Variants in KCNK16 observed in about 807,000 individuals in gnomAD.
KCNK16 encodes potassium two pore domain channel subfamily K member 16.
A neutral mutation model predicts 23.0 loss-of-function variants in KCNK16; 23 were observed. That is an observed-to-expected ratio of 1.00 (90% confidence interval 0.72 to 1.41). The LOEUF is 1.41. KCNK16 is among the 40% of genes most tolerant of loss of function. KCNK16 has a pLI of 0.00. For synonymous variants in KCNK16, 145 were observed against 153.5 expected (o/e 0.94, Z 0.41); for missense variants, 327 against 365.8 (o/e 0.89, Z 0.87).
At chr6:39,320,757 C>T (rs532926923) in intron 1 of KCNK16, among the ~76,000 whole-genome samples, 11 of 152,272 alleles carry the variant, frequency 7.2e-5, no homozygotes, top group African/African-American at 2.4e-4. Context: ...GGCCTCCTTT[C>T]GTCTTGGTTA....
chr6:39,316,164 A>G, downstream of KCNK16: 2 of 1,454,074 alleles, frequency 1.4e-6, no homozygotes, highest in Non-Finnish European at 1.8e-6. Context: ...TCCAGAGAGC[A>G]GATAGGGTGG....
Position 39,319,882 on chromosome 6 carries a change from CGAACCTTT to C in KCNK16, c.214-757_214-750del, listed in dbSNP as rs1176813803. Among the ~76,000 whole-genome samples, 1 of 152,098 alleles carries C rather than the reference CGAACCTTT, an allele frequency of 6.6e-6. No individual in the cohort carries two copies. The highest frequency in any genetic ancestry group is 1.9e-4 in the East Asian group (1 of 5,186). ...GTGTTGCATGTGTTTTCACAAGACC[CGAACCTTT>C]GCCGGCTCAAGCCTACAACACCTCC... On this transcript the variant is annotated intron_variant, in intron 1 of 4. Coordinates refer to ENST00000437525, the MANE Select transcript of KCNK16 (RefSeq NM_001135106.2). The surrounding 1 kb of genome is among the most constrained non-coding windows in gnomAD (Gnocchi z 4.2).
rs1762552505 is a variant in KCNK16, at chr6:39,322,515, C to G, written c.26G>C (p.Cys9Ser). MPSAGLCS[C>S]WGGRVLPLLL... ...CAGGGGCAGCACCCGGCCACCCCAG[C>G]AGCTGCAGAGCCCAGCACTGGGCAT... is the stretch of plus-strand genomic sequence containing the variant. Residue 9 changes from cysteine (C) to serine (S), a missense_variant, in exon 1 of 5, where the codon TGC becomes TCC. Cys to Ser is a moderately radical substitution (Grantham distance 112). Transcript: ENST00000437525. 1.2e-6 allele frequency: 2 copies of G among 1,607,916 alleles called. No individual in the cohort carries two copies. Among genetic ancestry groups the G allele is most frequent in the East Asian group, 4.5e-5 (2 of 44,752 alleles).
downstream of KCNK16, chr6:39,315,115 A>G (rs1161198883): frequency 1.2e-6 from 2 of 1,613,966 alleles, no homozygotes; most frequent in African/African-American, 2.7e-5. Context: ...TTGGCTCCAC[A>G]GCCTTGCCTC....
At chr6:39,322,184 C>G in intron 1 of KCNK16, 144 bp downstream of exon 1, 2 of 1,364,660 alleles carry the variant, frequency 1.5e-6, no homozygotes. Flanking sequence ...AGGATTAGAT[C>G]TCACCAGGCT....
Position 39,316,327 on chromosome 6 carries a change from G to A in KCNK16, c.777C>T (p.His259=). ...LILPLGPLLL[H]RCCQLWLLSR... ...TGAGCAGCCAGAGCTGGCAGCATCT[G>A]TGCAGAAGCAGGGGGCCCAGTGGGA... The change falls in exon 5 of 5, where the codon CAC becomes CAT. Residue 259 remains histidine (H), a synonymous_variant. Coordinates refer to ENST00000437525, the MANE Select transcript of KCNK16 (RefSeq NM_001135106.2). The A allele has an allele frequency of 1.2e-6, 2 of 1,610,944 alleles. No homozygotes were observed.
chr6:39,318,034 T>A (rs1342296812), intron 2 of KCNK16, 82 bp from the exon 3 acceptor site: 1 of 1,376,670 alleles, frequency 7.3e-7, no homozygotes, highest in Non-Finnish European at 9.7e-7. Flanking sequence ...AGCTGAGGTT[T>A]GTCTGTCACC....
rs769725060 is a variant in KCNK16 at position 39,319,076 on chromosome 6, T to C, written c.271A>G (p.Ser91Gly). ...AAACTGCTGCCAAAGTCCCAGTTGC[T>C]GGGGTTGGTAGAGTTGCCTTTGGGG... ...VNPKGNSTNP[S>G]NWDFGSSFFF... The change falls in exon 2 of 5, where the codon AGC (serine) becomes GGC (glycine). Residue 91 changes from serine to glycine, a missense_variant. Transcript: ENST00000437525. This position sits in a 1 kb window ranked among gnomAD's most constrained non-coding sequence, Gnocchi z 4.2. 6.2e-7 allele frequency: 1 copy of C among 1,614,116 alleles called. No homozygotes were observed. Among genetic ancestry groups the C allele is most frequent in the South Asian group, 1.1e-5 (1 of 91,068 alleles).
chr6:39,319,071 G>A lies in KCNK16; in HGVS notation c.276C>T (p.Asn92=). Residue 92 remains asparagine, a synonymous_variant, in exon 2 of 5, where the codon AAC becomes AAT. Coordinates refer to ENST00000437525, the MANE Select transcript of KCNK16 (RefSeq NM_001135106.2). The surrounding 1 kb of genome is among the most constrained non-coding windows in gnomAD (Gnocchi z 4.2). ...AGAAGAAACTGCTGCCAAAGTCCCAGTTGCTGGGGTTGGTAGAGTTGCCTT... is the reference window on the plus strand; with the variant it reads ...AGAAGAAACTGCTGCCAAAGTCCCAATTGCTGGGGTTGGTAGAGTTGCCTT... ...NPKGNSTNPS[N]WDFGSSFFFA... The A allele has an allele frequency of 6.2e-7, 1 of 1,614,164 alleles. No individual in the cohort carries two copies.
At chr6:39,318,313 C>T (rs1045469493) in intron 2 of KCNK16, among the ~76,000 whole-genome samples, 1 of 152,096 alleles carries the variant, frequency 6.6e-6, no homozygotes, top group Non-Finnish European at 1.5e-5. Context: ...AAGTTCCTTG[C>T]AGGCTGAGCC....
downstream of KCNK16, chr6:39,315,523 G>C (rs887388617): frequency 3.5e-5 from 43 of 1,216,092 alleles, no homozygotes; most frequent in Non-Finnish European, 5.6e-6. Flanking sequence ...GGACTTCTAG[G>C]CAAGGGGAGC....
intron 4 of KCNK16, 82 bp from the exon 5 acceptor site, chr6:39,316,524 A>T: frequency 6.8e-7 from 1 of 1,468,164 alleles, no homozygotes; most frequent in Non-Finnish European, 9.2e-7. Flanking sequence ...CTCACCAGCC[A>T]GGATGCTCTC....
Position 39,319,819 on chromosome 6 carries a change from G to A in KCNK16, c.214-686C>T, listed in dbSNP as rs943671044. ...TGTGTTGTATGCACGTGTTGTGCAT[G>A]GCAACTGTATGTTGCACATGTGTGC... On this transcript the variant is annotated intron_variant, in intron 1 of 4. Transcript: ENST00000437525. The surrounding 1 kb of genome is among the most constrained non-coding windows in gnomAD (Gnocchi z 4.2). Among the ~76,000 whole-genome samples, 2 of 151,222 alleles carry A rather than the reference G, an allele frequency of 1.3e-5. No individual in the cohort carries two copies. Among genetic ancestry groups the A allele is most frequent in the Admixed American group, 6.6e-5 (1 of 15,062 alleles).
chr6:39,316,275 C>A lies in KCNK16; in HGVS notation c.829G>T (p.Ala277Ser), dbSNP rs1385128303. 1.3e-6 allele frequency: 2 copies of A among 1,591,278 alleles called. No homozygotes were observed. The highest frequency in any genetic ancestry group is 1.8e-4 in the Middle Eastern group (1 of 5,676). ...LSRGLGVKDG[A>S]ASDPSGLPRP... ...GGGAGCCCACTGGGGTCAGAGGCTGCCCCATCCTTGACGCCGAGGCCCCTA... is the reference window on the plus strand; with the variant it reads ...GGGAGCCCACTGGGGTCAGAGGCTGACCCATCCTTGACGCCGAGGCCCCTA... Residue 277 changes from alanine (A) to serine (S), a missense_variant, in exon 5 of 5, where the codon GCA becomes TCA. Physicochemically the swap from Ala to Ser is moderately conservative, Grantham distance 99 (BLOSUM62 1). Coordinates refer to ENST00000437525, the MANE Select transcript of KCNK16 (RefSeq NM_001135106.2).
upstream of KCNK16, chr6:39,322,772 G>T: frequency 1.7e-6 from 1 of 578,010 alleles, no homozygotes; most frequent in Non-Finnish European, 2.9e-6. Context: ...CCCGGCCTTT[G>T]TTTCCATGGA....
At position 39,317,820 on chromosome 6, in the gene KCNK16, A is replaced by G. The variant is rs775755174; in HGVS notation, c.461T>C (p.Ile154Thr). The G allele has an allele frequency of 1.2e-5, 19 of 1,610,322 alleles. No individual in the cohort carries two copies. Among genetic ancestry groups the G allele is most frequent in the South Asian group, 8.9e-5 (8 of 90,342 alleles). ...CCTGGGACGGTCCTCCCATCTTTCA[A>G]TGGCGGCCAGATGGGCACGCAGCCC... ...GTGLRAHLAA[I>T]ERWEDRPRRS... The change falls in exon 3 of 5, where the codon ATT (isoleucine) becomes ACT (threonine). Residue 154 changes from isoleucine (I) to threonine (T), a missense_variant. Ile to Thr is a moderately conservative substitution (Grantham distance 89). Transcript: ENST00000437525.
upstream of KCNK16, chr6:39,322,868 T>C (rs184586951): frequency 3.1e-6 from 1 of 325,074 alleles, no homozygotes; most frequent in Admixed American, 4.2e-5. Context: ...GTCTCCAAGT[T>C]GGATAGATGT....
At chr6:39,314,843 A>T, downstream of KCNK16, 1 of 736,356 alleles carries the variant, frequency 1.4e-6, no homozygotes, top group Non-Finnish European at 2.3e-6. Context: ...TGTACCCCAA[A>T]AGAGGGACCC....
At position 39,316,211 on chromosome 6, in the gene KCNK16, C is replaced by T. The variant is rs760503748; in HGVS notation, c.*8G>A. The T allele has an allele frequency of 1.2e-4, 176 of 1,512,684 alleles. No individual in the cohort carries two copies. Among genetic ancestry groups the T allele is most frequent in the Middle Eastern group, 2.2e-4 (1 of 4,476 alleles). The allele number at this position is 1,512,684 out of a possible 1,614,324, so 93.7% of individuals were successfully genotyped here. A position where few individuals can be genotyped will look rare whatever the true frequency, so the allele number is the denominator to read the frequency against. ...ATGAAAGGGGTTTCTGGGCCCCCCC[C>T]GGGGGCCTCATGCAGAGATGGGGAT... On this transcript the variant is annotated 3_prime_UTR_variant, in exon 5 of 5. Transcript: ENST00000437525.
Sources: gnomAD v4.1 joint callset for allele counts (sites outside exome capture counted in the v4.1 genomes callset) on GRCh38, gnomAD v4.1.1 for gene constraint, Gnocchi (gnomAD v3.1) non-coding constraint, MANE v1.5 for transcripts, NCBI Gene and HGNC (gene_info 2026-07-23, HGNC 2026-07-21) for gene names.